The following GAS7 variants were observed in gnomAD, a reference collection of about 807,000 sequenced individuals.
GAS7 encodes the protein growth arrest-specific protein 7.
Under a neutral mutation model 71.1 loss-of-function variants are expected in GAS7, and 28 were observed. The ratio of observed to expected loss-of-function variants is 0.39; its 90% CI spans 0.29 to 0.54. GAS7 has a LOEUF of 0.54. Among genes scored for constraint, GAS7 ranks in the 20% least tolerant of loss-of-function variants. The probability of loss-of-function intolerance (pLI) is 0.62; values close to 1 mark genes in which losing one functional copy is unlikely to be tolerated. For synonymous variants in GAS7, 258 were observed against 245.8 expected, an observed-to-expected ratio of 1.05 and a Z score of -0.46; for missense variants, 436 against 627.8, an observed-to-expected ratio of 0.69 and a Z score of 3.27.
chr17:10,055,854 A>G (rs1239170146), intron 1 of GAS7, among the ~76,000 whole-genome samples: 3 of 152,190 alleles, frequency 2.0e-5, no homozygotes, highest in Admixed American at 6.5e-5. Context: ...CTCATGATGT[A>G]TGGTTTGGAA....
rs758715463 is a variant in GAS7 at position 10,103,084 on chromosome 17, G to A, written c.184-83187C>T. Among the ~76,000 whole-genome samples the A allele has an allele frequency of 7.9e-5, 12 of 152,132 alleles. No individual in the cohort carries two copies. Among genetic ancestry groups the A allele is most frequent in the Non-Finnish European group, 1.6e-4 (11 of 68,026 alleles). On this transcript the variant is annotated intron_variant, in intron 1 of 13. Transcript: ENST00000432992. The surrounding 1 kb of genome is among the most constrained non-coding windows in gnomAD (Gnocchi z 5.5). ...TAACAAACCCTGACCGGACGTAGTG[G>A]CTCACACCTGTAATCCCAGCATTTT...
intron 4 of GAS7, among the ~76,000 whole-genome samples, chr17:9,960,688 C>A (rs757295286): frequency 2.0e-5 from 3 of 152,222 alleles, no homozygotes; most frequent in Non-Finnish European, 4.4e-5. Flanking sequence ...GCCTCAGAAA[C>A]CCGTCAGCAA....
intron 1 of GAS7, among the ~76,000 whole-genome samples, chr17:10,189,865 G>A (rs2074484381): frequency 6.6e-6 from 1 of 150,626 alleles, no homozygotes; most frequent in African/African-American, 2.4e-5. Context: ...TTTGAACCCA[G>A]GAGGTAGAGG....
chr17:9,920,098 C>A (rs186612081), intron 11 of GAS7, among the ~76,000 whole-genome samples: 8 of 150,666 alleles, frequency 5.3e-5, no homozygotes, highest in Non-Finnish European at 1.2e-4. Context: ...TTATTTTACA[C>A]TGGGGAGTCC....
chr17:10,172,395 T>C (rs2074341995), intron 1 of GAS7, among the ~76,000 whole-genome samples: 1 of 152,170 alleles, frequency 6.6e-6, no homozygotes, highest in Non-Finnish European at 1.5e-5. Flanking sequence ...AGCACAGCAC[T>C]GTGCATAACA....
chr17:10,063,168 C>G (rs2073238486), intron 1 of GAS7, among the ~76,000 whole-genome samples: 1 of 152,260 alleles, frequency 6.6e-6, no homozygotes, highest in Non-Finnish European at 1.5e-5. Flanking sequence ...ACAGGCAGAA[C>G]TTGCTAATGC....
intron 1 of GAS7, among the ~76,000 whole-genome samples, chr17:10,057,971 C>T (rs1474027197): frequency 3.3e-5 from 5 of 152,230 alleles, no homozygotes; most frequent in Non-Finnish European, 7.3e-5. Context: ...CTCTCTGAAA[C>T]ATGTGCTGTG....
At chr17:10,191,435 TG>T (rs1041544050) in intron 1 of GAS7, among the ~76,000 whole-genome samples, 2 of 150,240 alleles carry the variant, frequency 1.3e-5, no homozygotes, top group Admixed American at 6.7e-5. Context: ...CCAGGCATGG[TG>T]GCAGGTGCCT....
intron 1 of GAS7, among the ~76,000 whole-genome samples, chr17:10,145,808 A>T (rs2074116888): frequency 1.3e-5 from 2 of 152,134 alleles, no homozygotes; most frequent in African/African-American, 4.8e-5. Flanking sequence ...GAAATGAGAG[A>T]CACCTCCCAG....
At chr17:9,982,861 G>GAAAGAAAGAAAGC (rs1555611388) in intron 2 of GAS7, among the ~76,000 whole-genome samples, 29 of 143,972 alleles carry the variant, frequency 2.0e-4, no homozygotes, top group South Asian at 4.5e-4. Flanking sequence ...AAGAAAGAAA[G>GAAAGAAAGAAAGC]AAAGAAAGCA....
At chr17:9,973,339 C>T (rs565391639) in intron 3 of GAS7, among the ~76,000 whole-genome samples, 9 of 151,942 alleles carry the variant, frequency 5.9e-5, no homozygotes, top group South Asian at 2.1e-4. Context: ...CTGCGACCTC[C>T]GCCTCCCGGG....
chr17:9,971,197 G>A (rs555523579), intron 3 of GAS7, among the ~76,000 whole-genome samples: 7 of 152,028 alleles, frequency 4.6e-5, no homozygotes, highest in South Asian at 4.2e-4. Context: ...AGGAGTTCCA[G>A]ACCAGCCTGG....
intron 1 of GAS7, among the ~76,000 whole-genome samples, chr17:10,115,918 C>A (rs1308629393): frequency 6.6e-6 from 1 of 152,180 alleles, no homozygotes; most frequent in African/African-American, 2.4e-5. Context: ...GGAGCTCTCC[C>A]AAACAGATCA....
intron 1 of GAS7, among the ~76,000 whole-genome samples, chr17:10,153,387 G>A (rs1207918256): frequency 6.6e-6 from 1 of 151,514 alleles, no homozygotes; most frequent in African/African-American, 2.4e-5. Flanking sequence ...TGTGGTGGCG[G>A]GTGCCTGTAA....
chr17:9,979,484 C>A (rs2070330401), intron 3 of GAS7, among the ~76,000 whole-genome samples: 1 of 152,204 alleles, frequency 6.6e-6, no homozygotes, highest in South Asian at 2.1e-4. Flanking sequence ...AAGAAGGGAG[C>A]CTGTTAAACC....
chr17:10,194,858 C>CAAAAAAAAAAAAAAAAAAAAAAAAAAA (rs5819269), intron 1 of GAS7, among the ~76,000 whole-genome samples: 1 of 85,196 alleles, frequency 1.2e-5, no homozygotes, highest in Non-Finnish European at 2.6e-5. Flanking sequence ...GACTCTGTCT[C>CAAAAAAAAAAAAAAAAAAAAAAAAAAA]AAAAAAAAAA....
chr17:10,118,453 G>A (rs1343789255), intron 1 of GAS7, among the ~76,000 whole-genome samples: 1 of 152,130 alleles, frequency 6.6e-6, no homozygotes, highest in African/African-American at 2.4e-5. Context: ...GCTCACGCCT[G>A]TAATCCCAAC....
intron 1 of GAS7, among the ~76,000 whole-genome samples, chr17:10,189,647 T>TCACATGGCTGGCTGGGCACAGTGG (rs1353145833): frequency 6.6e-6 from 1 of 152,224 alleles, no homozygotes; most frequent in African/African-American, 2.4e-5. Flanking sequence ...CCCCAAATAG[T>TCACATGGCTGGCTGGGCACAGTGG]CACATGGCTG....
intron 1 of GAS7, among the ~76,000 whole-genome samples, chr17:10,176,832 CCTT>C (rs1234747983): frequency 6.6e-6 from 1 of 152,162 alleles, no homozygotes; most frequent in Non-Finnish European, 1.5e-5. Context: ...TGGCTATACT[CCTT>C]CTAACCTTGG....
Sources: gnomAD v4.1 joint callset for allele counts (sites outside exome capture counted in the v4.1 genomes callset) on GRCh38, gnomAD v4.1.1 for gene constraint, Gnocchi (gnomAD v3.1) non-coding constraint, MANE v1.5 for transcripts, NCBI Gene and HGNC (gene_info 2026-07-23, HGNC 2026-07-21) for gene names.